RARB: variants seen among roughly 807,000 people sequenced by gnomAD.
The protein encoded by RARB is retinoic acid receptor beta.
A neutral mutation model predicts 51.9 loss-of-function variants in RARB; 17 were observed. The ratio of observed to expected loss-of-function variants is 0.33; its 90% CI spans 0.22 to 0.49. RARB has a LOEUF of 0.49. RARB is among the 20% of genes least tolerant of loss of function. RARB has a pLI of 0.99. For missense variants in RARB, 369 were observed against 550.8 expected, an observed-to-expected ratio of 0.67 and a Z score of 3.30; for synonymous variants, 215 against 195.4, an observed-to-expected ratio of 1.10 and a Z score of -0.84.
intron 2 of RARB, among the ~76,000 whole-genome samples, chr3:24,896,634 G>A (rs941300428): frequency 6.6e-6 from 1 of 152,146 alleles, no homozygotes; most frequent in African/African-American, 2.4e-5. Flanking sequence ...TCATGGATAT[G>A]TTAATGCCAC....
chr3:25,366,488 G>A (rs1326452803), intron 5 of RARB, among the ~76,000 whole-genome samples: 2 of 152,164 alleles, frequency 1.3e-5, no homozygotes, highest in Non-Finnish European at 2.9e-5. Context: ...TGTTTTAAAG[G>A]ATTTTAGAAT....
chr3:25,221,304 C>T (rs1217278573), intron 5 of RARB, among the ~76,000 whole-genome samples: 1 of 149,864 alleles, frequency 6.7e-6, no homozygotes, highest in Non-Finnish European at 1.5e-5. Flanking sequence ...AACTCTCTGT[C>T]CTTACGCTAT....
intron 1 of RARB, among the ~76,000 whole-genome samples, chr3:25,431,018 A>G (rs1056919643): frequency 1.4e-5 from 2 of 143,820 alleles, no homozygotes; most frequent in African/African-American, 5.2e-5. Flanking sequence ...TAGAGATTCT[A>G]ACAAATGTCT....
chr3:25,539,137 A>G (rs778002347), intron 3 of RARB, among the ~76,000 whole-genome samples: 1 of 152,188 alleles, frequency 6.6e-6, no homozygotes, highest in Admixed American at 6.5e-5. Context: ...TGTGCTTTCC[A>G]AAACAGTTGA....
At chr3:24,891,747 A>T (rs1703381613) in intron 2 of RARB, among the ~76,000 whole-genome samples, 1 of 152,184 alleles carries the variant, frequency 6.6e-6, no homozygotes, top group African/African-American at 2.4e-5. Flanking sequence ...TCGGGAGGTC[A>T]AGGAGAACAA....
At chr3:24,912,969 C>A in intron 2 of RARB, among the ~76,000 whole-genome samples, 1 of 72,190 alleles carries the variant, frequency 1.4e-5, no homozygotes, top group Non-Finnish European at 3.1e-5. Flanking sequence ...ACACAAGGTA[C>A]TGATTCTTTT....
At chr3:24,877,502 C>T (rs1490520233) in intron 2 of RARB, among the ~76,000 whole-genome samples, 2 of 151,544 alleles carry the variant, frequency 1.3e-5, no homozygotes, top group African/African-American at 2.4e-5. Flanking sequence ...GTTATGGTGA[C>T]TTCATCCTCC....
intron 3 of RARB, among the ~76,000 whole-genome samples, chr3:25,106,569 C>G (rs1198662340): frequency 6.6e-6 from 1 of 150,824 alleles, no homozygotes; most frequent in African/African-American, 2.4e-5. Context: ...TCCCAAAGTG[C>G]TGGGTTTACA....
At chr3:25,048,386 A>G (rs969095419) in intron 2 of RARB, among the ~76,000 whole-genome samples, 3 of 152,154 alleles carry the variant, frequency 2.0e-5, no homozygotes, top group Non-Finnish European at 2.9e-5. Flanking sequence ...CATCCAATAT[A>G]TGATATCTTA....
At chr3:25,517,803 T>G (rs992750912) in intron 3 of RARB, among the ~76,000 whole-genome samples, 5 of 152,190 alleles carry the variant, frequency 3.3e-5, no homozygotes, top group African/African-American at 1.2e-4. Flanking sequence ...CAGAATATTT[T>G]TCATCCATAA....
intron 2 of RARB, among the ~76,000 whole-genome samples, chr3:24,889,918 A>G (rs1213202747): frequency 6.6e-6 from 1 of 151,922 alleles, no homozygotes; most frequent in Non-Finnish European, 1.5e-5. Flanking sequence ...GAAAAAAAAA[A>G]AAAAAGAAAA....
intron 3 of RARB, among the ~76,000 whole-genome samples, chr3:25,533,083 G>T (rs1698995873): frequency 6.6e-6 from 1 of 152,132 alleles, no homozygotes; most frequent in Non-Finnish European, 1.5e-5. Context: ...TACTCTAGAG[G>T]CTGCCTCCAC....
intron 4 of RARB, among the ~76,000 whole-genome samples, chr3:25,160,422 C>A (rs1321095968): frequency 6.6e-6 from 1 of 152,196 alleles, no homozygotes; most frequent in African/African-American, 2.4e-5. Context: ...CATCATGTGG[C>A]TTTGTCCCTG....
chr3:25,223,175 C>G (rs577891530), intron 5 of RARB, among the ~76,000 whole-genome samples: 1 of 152,258 alleles, frequency 6.6e-6, no homozygotes, highest in African/African-American at 2.4e-5. Flanking sequence ...CAACTGGCCC[C>G]CAGCCCTAGG....
chr3:25,021,509 G>A (rs1041113241), intron 2 of RARB, among the ~76,000 whole-genome samples: 1 of 152,126 alleles, frequency 6.6e-6, no homozygotes, highest in Non-Finnish European at 1.5e-5. Flanking sequence ...GAAGTGATAA[G>A]TAAAGAGAAG....
intron 5 of RARB, among the ~76,000 whole-genome samples, chr3:25,421,403 CT>C (rs766378555): frequency 0.11 from 7,930 of 72,424 alleles, 303 homozygotes; most frequent in Middle Eastern, 0.16. Context: ...TTCTTCTTTT[CT>C]TTTTTTTTTT....
chr3:25,243,032 T>C (rs1265336172), intron 5 of RARB, among the ~76,000 whole-genome samples: 1 of 152,198 alleles, frequency 6.6e-6, no homozygotes, highest in African/African-American at 2.4e-5. Flanking sequence ...ACATCCCCTG[T>C]AAGTTGTATT....
At chr3:25,056,639 C>T (rs73042712) in intron 2 of RARB, among the ~76,000 whole-genome samples, 159 of 152,144 alleles carry the variant, frequency 1.0e-3, no homozygotes, top group Non-Finnish European at 1.7e-3. Flanking sequence ...TTAGTATATA[C>T]CCAATAGATA....
At chr3:25,440,351 T>C (rs1457588038) in intron 1 of RARB, among the ~76,000 whole-genome samples, 2 of 149,228 alleles carry the variant, frequency 1.3e-5, no homozygotes, top group Non-Finnish European at 3.0e-5. Context: ...GAGGCTAGGG[T>C]GGGAGGATAA....
Sources: allele counts gnomAD v4.1 joint callset (sites outside exome capture counted in the v4.1 genomes callset), GRCh38; gene constraint gnomAD v4.1.1; transcripts MANE v1.5; gene names NCBI Gene and HGNC (gene_info 2026-07-23, HGNC 2026-07-21).